The following SOX5 variants were observed in gnomAD, a reference collection of about 807,000 sequenced individuals.
SOX5 encodes SRY-box transcription factor 5.
A neutral mutation model predicts 92.0 loss-of-function variants in SOX5; 9 were observed. The observed-to-expected ratio is 0.10, with a 90% confidence interval of 0.06 to 0.17. The LOEUF (loss-of-function observed/expected upper bound fraction) is 0.17. Among genes scored for constraint, SOX5 ranks in the 10% least tolerant of loss-of-function variants. The pLI, the probability that SOX5 is intolerant of heterozygous loss-of-function variation, is 1.00. For synonymous variants in SOX5, 344 were observed against 336.3 expected, an observed-to-expected ratio of 1.02 and a Z score of -0.25; for missense variants, 642 against 944.5, an observed-to-expected ratio of 0.68 and a Z score of 4.20.
chr12:23,878,823 A>G (rs184201651), intron 2 of SOX5, among the ~76,000 whole-genome samples: 7 of 152,270 alleles, frequency 4.6e-5, no homozygotes, highest in Admixed American at 1.3e-4. Context: ...CTCCTCAAAA[A>G]TAATCTGTAA....
chr12:23,954,923 A>ATTTTAAT (rs994685788), upstream of SOX5, among the ~76,000 whole-genome samples: 1 of 152,100 alleles, frequency 6.6e-6, no homozygotes, highest in African/African-American at 2.4e-5. Flanking sequence ...TATTCAGAAT[A>ATTTTAAT]ACTTGAAATA....
chr12:24,355,829 T>C (rs1954763957), intron 2 of SOX5, among the ~76,000 whole-genome samples: 1 of 152,182 alleles, frequency 6.6e-6, no homozygotes, highest in South Asian at 2.1e-4. Context: ...AGATCCAATA[T>C]AAATAATTCC....
At chr12:24,152,803 A>G (rs922976088) in intron 4 of SOX5, among the ~76,000 whole-genome samples, 1 of 151,874 alleles carries the variant, frequency 6.6e-6, no homozygotes, top group Admixed American at 6.6e-5. Context: ...TTGAGCACAG[A>G]AAACAAAATG....
chr12:24,150,682 C>T (rs1164982560), intron 4 of SOX5, among the ~76,000 whole-genome samples: 1 of 151,956 alleles, frequency 6.6e-6, no homozygotes, highest in African/African-American at 2.4e-5. Context: ...AAAAAACTAA[C>T]CTAACATTTC....
In SOX5 at chr12:23,549,641, A is replaced by G. The variant is rs118036926; in HGVS notation, c.1489-3217T>C. On this transcript the variant is annotated intron_variant, in intron 11 of 14. Transcript: ENST00000451604. Reference sequence around the variant, plus strand: ...TAGAGGGCAAAAAGAGATTAATTACAACAAAGTAGTCAACATGTAAAAGTC... The same window carrying G: ...TAGAGGGCAAAAAGAGATTAATTACGACAAAGTAGTCAACATGTAAAAGTC... Among the ~76,000 whole-genome samples, 84 of 152,088 alleles carry G rather than the reference A, an allele frequency of 5.5e-4. 1 individual carries two copies. The East Asian group carries it at 0.015, about 28-fold the overall frequency.
intron 11 of SOX5, among the ~76,000 whole-genome samples, chr12:23,560,660 C>G (rs1946052427): frequency 6.6e-6 from 1 of 152,198 alleles, no homozygotes; most frequent in African/African-American, 2.4e-5. Context: ...TACAATACCT[C>G]CAGTACCTAC....
intron 6 of SOX5, among the ~76,000 whole-genome samples, chr12:23,732,724 C>G (rs1325152906): frequency 6.6e-6 from 1 of 152,074 alleles, no homozygotes; most frequent in Non-Finnish European, 1.5e-5. Context: ...AATAAAAATT[C>G]TAAGCTTTTA....
In SOX5 at chr12:23,705,810, A is replaced by C. The variant is rs926467733; in HGVS notation, c.810+28874T>G. ...TAAATGATTCTCTCTTTTTAACTGC[A>C]TGCAGGAAGAAAGGAGCCAGAATGT... is the stretch of plus-strand genomic sequence containing the variant. On this transcript the variant is annotated intron_variant, in intron 6 of 14. Transcript: ENST00000451604. Among the ~76,000 whole-genome samples the C allele has an allele frequency of 1.3e-4, 20 of 152,052 alleles. 1 individual carries two copies. Among genetic ancestry groups the C allele is most frequent in the Admixed American group, 6.6e-5 (1 of 15,234 alleles).
At chr12:23,682,679 T>C (rs1182919294) in intron 6 of SOX5, among the ~76,000 whole-genome samples, 1 of 151,848 alleles carries the variant, frequency 6.6e-6, no homozygotes. Flanking sequence ...ATTCTCAACA[T>C]AAATCTTAAG....
At chr12:23,584,708 AC>A (rs1950484934) in intron 9 of SOX5, 2 of 746,254 alleles carry the variant, frequency 2.7e-6, no homozygotes, top group Admixed American at 2.0e-5. Context: ...AAGGCACAGA[AC>A]CTTGGAGAAG....
intron 1 of SOX5, among the ~76,000 whole-genome samples, chr12:24,556,890 C>T (rs1319892284): frequency 6.6e-6 from 1 of 152,188 alleles, no homozygotes; most frequent in East Asian, 1.9e-4. Flanking sequence ...TTTTTAGACT[C>T]AAATAAGTTC....
chr12:24,405,325 C>T (rs1490043241), intron 1 of SOX5, among the ~76,000 whole-genome samples: 2 of 152,096 alleles, frequency 1.3e-5, no homozygotes. Context: ...TATTTTATCT[C>T]ATTTCCTTGA....
chr12:24,108,033 A>C (rs1342973911), intron 4 of SOX5, among the ~76,000 whole-genome samples: 1 of 152,226 alleles, frequency 6.6e-6, no homozygotes, highest in Non-Finnish European at 1.5e-5. Context: ...TAAATTGGAA[A>C]TATTAAAGAG....
intron 9 of SOX5, among the ~76,000 whole-genome samples, chr12:23,579,352 A>G (rs1341347090): frequency 1.3e-5 from 2 of 152,112 alleles, no homozygotes; most frequent in Non-Finnish European, 2.9e-5. Context: ...CTTCTCTTCC[A>G]TTGTGTGACC....
At chr12:23,923,811 T>C (rs1039540727) in intron 1 of SOX5, among the ~76,000 whole-genome samples, 6 of 152,136 alleles carry the variant, frequency 3.9e-5, no homozygotes, top group African/African-American at 1.4e-4. Context: ...GTGCTAAATC[T>C]GAAATGTCCT....
chr12:23,734,415 T>C (rs1029146223), intron 6 of SOX5, among the ~76,000 whole-genome samples: 2 of 152,148 alleles, frequency 1.3e-5, no homozygotes, highest in Admixed American at 1.3e-4. Context: ...AAAATGTAGA[T>C]AAAATGAAAC....
intron 1 of SOX5, among the ~76,000 whole-genome samples, chr12:24,402,419 C>G (rs1961943199): frequency 6.6e-6 from 1 of 152,132 alleles, no homozygotes; most frequent in Non-Finnish European, 1.5e-5. Flanking sequence ...AATATTGGTA[C>G]AATCCTGTTC....
chr12:23,949,733 T>TCC (rs1945242039), upstream of SOX5: 121 of 100,788 alleles, frequency 1.2e-3, no homozygotes, highest in South Asian at 1.9e-3. Context: ...CCTCCCTCCC[T>TCC]CTCTCTCTCT....
At chr12:24,128,553 A>C (rs1188638967) in intron 4 of SOX5, among the ~76,000 whole-genome samples, 1 of 152,214 alleles carries the variant, frequency 6.6e-6, no homozygotes, top group Non-Finnish European at 1.5e-5. Flanking sequence ...AAGGATGAAA[A>C]GCCAGACGTG....
Sources: gnomAD v4.1 joint callset for allele counts (sites outside exome capture counted in the v4.1 genomes callset) on GRCh38, gnomAD v4.1.1 for gene constraint, MANE v1.5 for transcripts, NCBI Gene and HGNC (gene_info 2026-07-23, HGNC 2026-07-21) for gene names.